The following PARD6G variants were observed in gnomAD, a reference collection of about 807,000 sequenced individuals.
The protein encoded by PARD6G is partitioning defective 6 homolog gamma.
PARD6G carries 7 observed loss-of-function variants against 10.7 expected under a neutral mutation model. The ratio of observed to expected loss-of-function variants is 0.66; its 90% CI spans 0.37 to 1.23. PARD6G has a LOEUF of 1.23. Ranked by LOEUF, PARD6G falls within the 50% of genes most tolerant of loss-of-function variation. The pLI is 0.02. For synonymous variants in PARD6G, 287 were observed against 269.4 expected (o/e 1.07, Z -0.64); for missense variants, 548 against 571.8 (o/e 0.96, Z 0.42).
At chr18:80,242,410 G>C (rs1007383716) in intron 1 of PARD6G, among the ~76,000 whole-genome samples, 5 of 152,204 alleles carry the variant, frequency 3.3e-5, no homozygotes, top group African/African-American at 1.2e-4. Flanking sequence ...ACATCACACA[G>C]CTGGAAGGGC....
At chr18:80,213,942 A>G (rs925863546) in intron 1 of PARD6G, among the ~76,000 whole-genome samples, 4 of 72,020 alleles carry the variant, frequency 5.6e-5, no homozygotes, top group African/African-American at 2.8e-4. Flanking sequence ...GTGAGACTCC[A>G]TCTCAAAAAA....
intron 1 of PARD6G, among the ~76,000 whole-genome samples, chr18:80,234,995 GCACCAAGC>G (rs1460920412): frequency 3.3e-5 from 5 of 152,052 alleles, no homozygotes; most frequent in African/African-American, 1.2e-4. Flanking sequence ...ACTCAGCTCT[GCACCAAGC>G]AGACCTAATA....
intron 1 of PARD6G, among the ~76,000 whole-genome samples, chr18:80,232,226 C>T (rs1303259990): frequency 1.3e-5 from 2 of 148,526 alleles, no homozygotes. Flanking sequence ...GTGTCCACAC[C>T]AGGGACTGGG....
In PARD6G at chr18:80,241,576, G is replaced by A. The variant is rs1014864737; in HGVS notation, c.72+5701C>T. Among the ~76,000 whole-genome samples, 21 of 152,234 alleles carry A rather than the reference G, an allele frequency of 1.4e-4. No homozygotes were observed. In the East Asian group the frequency reaches 4.1e-3, roughly 29 times the overall value. On this transcript the variant is annotated intron_variant, in intron 1 of 2. Transcript: ENST00000353265. Reference sequence around the variant, plus strand: ...GCACATATATGCACGTATATTGGAGGGGCATTAAGTAAATGTTATTAATAC... The same window carrying A: ...GCACATATATGCACGTATATTGGAGAGGCATTAAGTAAATGTTATTAATAC...
chr18:80,229,336 C>T (rs1018334002), intron 1 of PARD6G, among the ~76,000 whole-genome samples: 2 of 152,224 alleles, frequency 1.3e-5, no homozygotes, highest in African/African-American at 2.4e-5. Flanking sequence ...GAATCTGCAG[C>T]GAGGTCCCAG....
chr18:80,229,278 C>A (rs539310754), intron 1 of PARD6G, among the ~76,000 whole-genome samples: 9 of 152,320 alleles, frequency 5.9e-5, no homozygotes, highest in African/African-American at 2.2e-4. Context: ...TCAAGGAAGC[C>A]TTTACAATAT....
At chr18:80,236,540 T>C (rs1485468332) in intron 1 of PARD6G, among the ~76,000 whole-genome samples, 2 of 152,094 alleles carry the variant, frequency 1.3e-5, no homozygotes, top group African/African-American at 2.4e-5. Context: ...GGTATTCAGT[T>C]AGGAAAAGAG....
chr18:80,182,637 G>C lies in PARD6G; in HGVS notation c.295+20073C>G, dbSNP rs2052853774. ...ACAAATACAAAACTGCATAAAAATA[G>C]CTTCCACAGGGAAAAAAGGTGCAAG... On this transcript the variant is annotated intron_variant, in intron 2 of 2. Transcript: ENST00000353265. This position sits in a 1 kb window ranked among gnomAD's most constrained non-coding sequence, Gnocchi z 4.5. 6.6e-6 allele frequency among the ~76,000 whole-genome samples: 1 copy of C among 152,154 alleles called. No individual in the cohort carries two copies. Among genetic ancestry groups the C allele is most frequent in the East Asian group, 1.9e-4 (1 of 5,192 alleles).
chr18:80,188,534 G>A lies in PARD6G; in HGVS notation c.295+14176C>T, dbSNP rs920053598. On this transcript the variant is annotated intron_variant, in intron 2 of 2. Transcript: ENST00000353265. The surrounding 1 kb of genome is among the most constrained non-coding windows in gnomAD (Gnocchi z 5.4). ...CCGGCAGGACCCTCCTAGTACAGGC[G>A]CCTCGACCCAACTGTGCCAGCACAA... is the stretch of plus-strand genomic sequence containing the variant. Among the ~76,000 whole-genome samples, 2 of 152,276 alleles carry A rather than the reference G, an allele frequency of 1.3e-5. No homozygotes were observed. Among genetic ancestry groups the A allele is most frequent in the East Asian group, 3.9e-4 (2 of 5,184 alleles).
At chr18:80,190,431 G>C (rs1178377642) in intron 2 of PARD6G, among the ~76,000 whole-genome samples, 1 of 152,176 alleles carries the variant, frequency 6.6e-6, no homozygotes, top group Non-Finnish European at 1.5e-5. Flanking sequence ...TGCAGTCCAA[G>C]GAGGTGTCCC....
At chr18:80,241,624 C>T (rs551910164) in intron 1 of PARD6G, among the ~76,000 whole-genome samples, 2 of 152,190 alleles carry the variant, frequency 1.3e-5, no homozygotes, top group South Asian at 2.1e-4. Context: ...CCTCTCTGCA[C>T]AGCAGGCAAC....
At chr18:80,224,560 G>A (rs566722227) in intron 1 of PARD6G, among the ~76,000 whole-genome samples, 49 of 152,188 alleles carry the variant, frequency 3.2e-4, no homozygotes, top group Non-Finnish European at 4.9e-4. Flanking sequence ...GAAAGTGACC[G>A]TCCAAGGCCG....
chr18:80,229,008 G>T (rs1568442839), intron 1 of PARD6G, among the ~76,000 whole-genome samples: 1 of 152,094 alleles, frequency 6.6e-6, no homozygotes, highest in Non-Finnish European at 1.5e-5. Context: ...GCATGATCTT[G>T]GCTCACCATA....
In PARD6G at chr18:80,222,412, A is replaced by G. The variant is rs182803324; in HGVS notation, c.73-19480T>C. Among the ~76,000 whole-genome samples the G allele has an allele frequency of 2.0e-5, 3 of 152,334 alleles. No individual in the cohort carries two copies. In the East Asian group the frequency reaches 5.8e-4, roughly 29 times the overall value. On this transcript the variant is annotated intron_variant, in intron 1 of 2. Coordinates refer to ENST00000353265, the MANE Select transcript of PARD6G (RefSeq NM_032510.4). ...CCGGAAGACTTAATATTGTTAAGAC[A>G]GCAATACTCCCCAAATTGATCTACA...
chr18:80,205,416 C>G (rs1967045980), intron 1 of PARD6G, among the ~76,000 whole-genome samples: 1 of 152,192 alleles, frequency 6.6e-6, no homozygotes, highest in Admixed American at 6.5e-5. Context: ...CGGTTTGCAT[C>G]TGTGTCCCCA....
chr18:80,222,251 AT>A (rs553055473), intron 1 of PARD6G, among the ~76,000 whole-genome samples: 1,610 of 148,836 alleles, frequency 0.011, 13 homozygotes, highest in Non-Finnish European at 0.017. Flanking sequence ...CACCTGGCTA[AT>A]TTTTTTTTTT....
Position 80,226,267 on chromosome 18 carries a change from T to G in PARD6G, c.72+21010A>C, listed in dbSNP as rs574467577. On this transcript the variant is annotated intron_variant, in intron 1 of 2. Transcript: ENST00000353265. ...CTCACCGCAACCTCCGCCTCCTGGG[T>G]TCAGGCGATTCTCCTGCCTCAGCCT... Among the ~76,000 whole-genome samples, 302 of 148,604 alleles carry G rather than the reference T, an allele frequency of 2.0e-3. 2 individuals carry two copies. Among genetic ancestry groups the G allele is most frequent in the Non-Finnish European group, 3.8e-3 (257 of 67,496 alleles).
intron 1 of PARD6G, among the ~76,000 whole-genome samples, chr18:80,237,741 A>T (rs1371749292): frequency 6.6e-6 from 1 of 152,352 alleles, no homozygotes; most frequent in East Asian, 1.9e-4. Flanking sequence ...AAGACACATG[A>T]AAAAATGTTC....
At chr18:80,167,167 G>A (rs55949110) in intron 2 of PARD6G, among the ~76,000 whole-genome samples, 2 of 152,192 alleles carry the variant, frequency 1.3e-5, no homozygotes, top group Non-Finnish European at 2.9e-5. Flanking sequence ...TCCTGCCTGA[G>A]AGCATCATGT....
Sources: allele counts gnomAD v4.1 joint callset (sites outside exome capture counted in the v4.1 genomes callset), GRCh38; gene constraint gnomAD v4.1.1; non-coding constraint Gnocchi (gnomAD v3.1); transcripts MANE v1.5; gene names NCBI Gene and HGNC (gene_info 2026-07-23, HGNC 2026-07-21).